The following APBA2 variants were observed in gnomAD, a reference collection of about 807,000 sequenced individuals.
The protein encoded by APBA2 is amyloid beta precursor protein binding family A member 2, also known as amyloid-beta A4 precursor protein-binding family A member 2.
APBA2 carries 30 observed loss-of-function variants against 75.0 expected under a neutral mutation model. The ratio of observed to expected loss-of-function variants is 0.40; its 90% CI spans 0.30 to 0.54. The LOEUF (loss-of-function observed/expected upper bound fraction) is 0.54, where lower values mean the gene tolerates loss of function less well. Among genes scored for constraint, APBA2 ranks in the 20% least tolerant of loss-of-function variants. The probability of loss-of-function intolerance (pLI) is 0.49; values close to 1 mark genes in which losing one functional copy is unlikely to be tolerated. For synonymous variants in APBA2, 444 were observed against 409.6 expected, an observed-to-expected ratio of 1.08 and a Z score of -1.01; for missense variants, 801 against 1,016.1, an observed-to-expected ratio of 0.79 and a Z score of 2.88.
intron 2 of APBA2, 71 bp downstream of exon 2, chr15:28,921,820 T>C (rs1190064355): frequency 6.6e-6 from 1 of 152,222 alleles, no homozygotes; most frequent in Non-Finnish European, 1.5e-5. Flanking sequence ...GCTGATGTGC[T>C]AATTGGGGGC....
At chr15:29,116,333 A>G (rs1472948339) in intron 14 of APBA2, among the ~76,000 whole-genome samples, 1 of 152,132 alleles carries the variant, frequency 6.6e-6, no homozygotes, top group African/African-American at 2.4e-5. Context: ...GTGTTTTGTA[A>G]GAAGGGGTGT....
At chr15:29,037,575 G>C (rs1377575844) in intron 3 of APBA2, among the ~76,000 whole-genome samples, 6 of 152,082 alleles carry the variant, frequency 3.9e-5, no homozygotes, top group Non-Finnish European at 4.4e-5. Flanking sequence ...AGCAGAGAGA[G>C]ACAGCCAGAG....
intron 3 of APBA2, among the ~76,000 whole-genome samples, chr15:29,044,962 C>T (rs1440808694): frequency 6.6e-6 from 1 of 152,080 alleles, no homozygotes. Flanking sequence ...CATAGGTGGC[C>T]ATCTTCTTTC....
At chr15:29,090,141 A>G (rs947222870) in intron 6 of APBA2, among the ~76,000 whole-genome samples, 7 of 152,064 alleles carry the variant, frequency 4.6e-5, no homozygotes, top group African/African-American at 1.7e-4. Flanking sequence ...CTTGGACTCG[A>G]TTGTTTCTCG....
At chr15:29,088,082 C>T (rs1036437479) in intron 6 of APBA2, among the ~76,000 whole-genome samples, 2 of 152,190 alleles carry the variant, frequency 1.3e-5, no homozygotes, top group Non-Finnish European at 2.9e-5. Context: ...TGGCTCCTGC[C>T]CCGGTTCCTC....
chr15:29,064,771 C>A (rs992330876), intron 4 of APBA2, among the ~76,000 whole-genome samples: 6 of 152,148 alleles, frequency 3.9e-5, no homozygotes, highest in Non-Finnish European at 5.9e-5. Flanking sequence ...CAGGAGAGAA[C>A]TGGGGAGCTG....
chr15:28,906,373 C>T (rs1389103489), intron 1 of APBA2, among the ~76,000 whole-genome samples: 1 of 152,200 alleles, frequency 6.6e-6, no homozygotes, highest in East Asian at 1.9e-4. Context: ...GACACTTGCA[C>T]AATATGTGAC....
chr15:29,107,989 C>T (rs1184762492), intron 12 of APBA2, among the ~76,000 whole-genome samples: 4 of 152,242 alleles, frequency 2.6e-5, no homozygotes, highest in African/African-American at 7.2e-5. Flanking sequence ...AACCTGGGCT[C>T]GCTCCTGCAG....
At chr15:29,033,622 A>T (rs2040592834) in intron 3 of APBA2, among the ~76,000 whole-genome samples, 1 of 152,088 alleles carries the variant, frequency 6.6e-6, no homozygotes, top group Admixed American at 6.5e-5. Flanking sequence ...CTTAACAATG[A>T]CAGTTTCATT....
chr15:29,116,256 G>C (rs2045123208), intron 14 of APBA2, among the ~76,000 whole-genome samples: 1 of 152,140 alleles, frequency 6.6e-6, no homozygotes, highest in Admixed American at 6.5e-5. Flanking sequence ...CAAAGGCTAA[G>C]AACTTGAGGT....
intron 3 of APBA2, among the ~76,000 whole-genome samples, chr15:29,053,439 C>T (rs1342024010): frequency 1.3e-5 from 2 of 152,166 alleles, no homozygotes; most frequent in Non-Finnish European, 2.9e-5. Flanking sequence ...TGTCCCTCCT[C>T]ATTGGTCCTC....
rs1034998112 is a variant in APBA2, at chr15:29,049,818, A to G, written c.-40-4027A>G. Among the ~76,000 whole-genome samples, 6 of 152,216 alleles carry G rather than the reference A, an allele frequency of 3.9e-5. 1 individual carries two copies. The highest frequency in any genetic ancestry group is 8.8e-5 in the Non-Finnish European group (6 of 68,036). On this transcript the variant is annotated intron_variant, in intron 3 of 14. Coordinates refer to ENST00000683413, the MANE Select transcript of APBA2 (RefSeq NM_001353788.2). ...GTTAGTGTTTTGGAAGGTCAAATGGAGGAACTAATTTATACCACACAGAAA... is the reference window on the plus strand; with the variant it reads ...GTTAGTGTTTTGGAAGGTCAAATGGGGGAACTAATTTATACCACACAGAAA...
Position 28,999,314 on chromosome 15 carries a change from G to A in APBA2, c.-41+3508G>A, listed in dbSNP as rs531591368. Among the ~76,000 whole-genome samples the A allele has an allele frequency of 1.1e-4, 17 of 152,130 alleles. No individual in the cohort carries two copies. The South Asian group carries it at 3.5e-3, about 32-fold the overall frequency. On this transcript the variant is annotated intron_variant, in intron 3 of 14. Coordinates refer to ENST00000683413, the MANE Select transcript of APBA2 (RefSeq NM_001353788.2). ...AACTTCTTTAAGAGAACTACAGGCT[G>A]GAATAAATATTCATGATGAATTTAC...
intron 7 of APBA2, among the ~76,000 whole-genome samples, chr15:29,093,447 A>G (rs1370738448): frequency 1.3e-5 from 2 of 152,256 alleles, no homozygotes; most frequent in African/African-American, 4.8e-5. Flanking sequence ...GGCCCACGGA[A>G]TCCCAGAAAT....
Position 29,054,235 on chromosome 15 carries a change from C to A in APBA2, c.351C>A (p.Asn117Lys). 6.2e-7 allele frequency: 1 copy of A among 1,614,116 alleles called. No homozygotes were observed. Among genetic ancestry groups the A allele is most frequent in the East Asian group, 2.2e-5 (1 of 44,858 alleles). The change falls in exon 4 of 15, where the codon AAC becomes AAA. Residue 117 changes from asparagine to lysine, a missense_variant. Around this residue, in one of 2 missense-constraint regions of APBA2, gnomAD observed 434 missense variants for 471.6 expected, o/e 0.92. Transcript: ENST00000683413. The surrounding 1 kb of genome is among the most constrained non-coding windows in gnomAD (Gnocchi z 6.1). The stretch of plus-strand genomic sequence containing the variant: ...GCTACCTAGAGGGCATGGACTGCAA[C>A]GGGGAGGAGTACCTGGCCCACAGTG... ...DDSYLEGMDC[N>K]GEEYLAHSAH...
At chr15:29,035,221 C>T (rs2152852133) in intron 3 of APBA2, among the ~76,000 whole-genome samples, 1 of 152,302 alleles carries the variant, frequency 6.6e-6, no homozygotes, top group South Asian at 2.1e-4. Flanking sequence ...TCAGTCTTGC[C>T]AGACAGGCAG....
intron 3 of APBA2, among the ~76,000 whole-genome samples, chr15:29,014,538 T>G (rs1163837960): frequency 6.6e-6 from 1 of 152,178 alleles, no homozygotes; most frequent in African/African-American, 2.4e-5. Context: ...AGTTTCTCTA[T>G]TGGACTAACC....
intron 3 of APBA2, among the ~76,000 whole-genome samples, chr15:29,023,326 T>C (rs191097136): frequency 8.5e-5 from 13 of 152,304 alleles, no homozygotes; most frequent in African/African-American, 3.1e-4. Flanking sequence ...TTTGCTGCAC[T>C]TGGCTGATAA....
At chr15:28,899,169 C>T (rs962890191) in intron 1 of APBA2, among the ~76,000 whole-genome samples, 1 of 152,236 alleles carries the variant, frequency 6.6e-6, no homozygotes, top group African/African-American at 2.4e-5. Context: ...CCCAGAAGTC[C>T]TGGGTGGAGG....
Sources: gnomAD v4.1 joint callset for allele counts (sites outside exome capture counted in the v4.1 genomes callset) on GRCh38, gnomAD v4.1.1 for gene constraint, gnomAD v4.1.1 regional missense constraint, Gnocchi (gnomAD v3.1) non-coding constraint, MANE v1.5 for transcripts, NCBI Gene and HGNC (gene_info 2026-07-23, HGNC 2026-07-21) for gene names.